The following COL17A1 variants were observed in gnomAD, a reference collection of about 807,000 sequenced individuals.
COL17A1 encodes the protein collagen type XVII alpha 1 chain.
In COL17A1, 181 loss-of-function variants were observed where a neutral mutation model predicts 218.4. That is an observed-to-expected ratio of 0.83 (90% confidence interval 0.73 to 0.94). The LOEUF (loss-of-function observed/expected upper bound fraction) is 0.94. COL17A1 is among the 40% of genes least tolerant of loss of function. COL17A1 has a pLI of 0.00. For synonymous variants in COL17A1, 721 were observed against 731.0 expected (o/e 0.99, Z 0.22); for missense variants, 1,924 against 1,945.9 (o/e 0.99, Z 0.21).
At chr10:104,036,005 TGA>T (rs1416811319) in intron 48 of COL17A1, among the ~76,000 whole-genome samples, 276 of 140,236 alleles carry the variant, frequency 2.0e-3, no homozygotes, top group African/African-American at 6.8e-3. Flanking sequence ...TATGCATATG[TGA>T]GTGTGTATGG....
intron 50 of COL17A1, 73 bp downstream of exon 50, chr10:104,035,190 G>A: frequency 7.7e-7 from 1 of 1,300,630 alleles, no homozygotes; most frequent in Non-Finnish European, 1.1e-6. Flanking sequence ...GACTGCCCTT[G>A]CTAAAGCCCA....
chr10:104,037,717 G>A lies in COL17A1; in HGVS notation c.3127C>T (p.Pro1043Ser), dbSNP rs1468374379. The change falls in exon 46 of 56, where the codon CCC (proline) becomes TCC (serine). Residue 1043 changes from proline (P) to serine (S), a missense_variant. Coordinates refer to ENST00000648076, the MANE Select transcript of COL17A1 (RefSeq NM_000494.4). ...GVQGPPGPPGPPGPVTTITGE... is the reference protein window; with the variant it reads ...GVQGPPGPPGSPGPVTTITGE... The stretch of plus-strand genomic sequence containing the variant: ...GTGATGGTGGTGACAGGTCCTGGGG[G>A]ACCAGGTGGGCCTGGGGGACCCTGA... 1.9e-6 allele frequency: 3 copies of A among 1,614,018 alleles called. No individual in the cohort carries two copies. Among genetic ancestry groups the A allele is most frequent in the African/African-American group, 1.3e-5 (1 of 74,896 alleles).
Position 104,050,141 on chromosome 10 carries a change from G to T in COL17A1, c.2129-17C>A, listed in dbSNP as rs745620757. The T allele has an allele frequency of 6.2e-7, 1 of 1,614,076 alleles. No homozygotes were observed. The highest frequency in any genetic ancestry group is 8.5e-7 in the Non-Finnish European group (1 of 1,179,986). On this transcript the variant is annotated splice_polypyrimidine_tract_variant and intron_variant, in intron 27 of 55. Coordinates refer to ENST00000648076, the MANE Select transcript of COL17A1 (RefSeq NM_000494.4). ...CCTGGTCACCTAAAGCAAACAAGGG[G>T]GAGGTGGAAAAAGCCACAGTTGTGA...
chr10:104,035,883 C>T lies in COL17A1; in HGVS notation c.3419-320G>A, dbSNP rs1247415519. ...GAGTGTATGGGAGTGTGCGTGAGTACTGGAGTGTATGGGAGCGTGTGTATG... is the reference window on the plus strand; with the variant it reads ...GAGTGTATGGGAGTGTGCGTGAGTATTGGAGTGTATGGGAGCGTGTGTATG... On this transcript the variant is annotated intron_variant, in intron 48 of 55. Coordinates refer to ENST00000648076, the MANE Select transcript of COL17A1 (RefSeq NM_000494.4). Among the ~76,000 whole-genome samples the T allele has an allele frequency of 1.7e-3, 9 of 5,416 alleles. 1 individual carries two copies. Among genetic ancestry groups the T allele is most frequent in the Non-Finnish European group, 2.6e-3 (6 of 2,304 alleles). The allele number at this position is 5,416 out of a possible 152,430, so 3.6% of individuals were successfully genotyped here.
intron 16 of COL17A1, among the ~76,000 whole-genome samples, chr10:104,057,747 C>T: frequency 6.6e-6 from 1 of 152,030 alleles, no homozygotes; most frequent in Non-Finnish European, 1.5e-5. Context: ...TAGGACTTGA[C>T]CTGCTTCTAT....
chr10:104,052,258 C>A, intron 23 of COL17A1, 41 bp from the exon 24 acceptor site: 1 of 1,612,974 alleles, frequency 6.2e-7, no homozygotes, highest in Non-Finnish European at 8.5e-7. Context: ...GGAGAGGCCC[C>A]AGTGTGGCTG....
At chr10:104,037,287 ATTTTT>A (rs34553613) in intron 46 of COL17A1, among the ~76,000 whole-genome samples, 174 bp from the exon 47 acceptor site, 2 of 147,904 alleles carry the variant, frequency 1.4e-5, no homozygotes, top group African/African-American at 2.5e-5. Context: ...TGTTGTTGGG[ATTTTT>A]TTTTTTTTTG....
intron 9 of COL17A1, among the ~76,000 whole-genome samples, chr10:104,065,569 G>A (rs1240592588): frequency 2.0e-5 from 3 of 152,166 alleles, no homozygotes; most frequent in African/African-American, 7.2e-5. Context: ...CTGGTGCTTG[G>A]CATAGAGGAG....
At chr10:104,038,678 A>G (rs2086327555) in intron 44 of COL17A1, 150 bp from the exon 45 acceptor site, 2 of 1,011,438 alleles carry the variant, frequency 2.0e-6, no homozygotes, top group African/African-American at 3.3e-5. Flanking sequence ...CGAGAAGAGA[A>G]GAAAGGACAG....
intron 16 of COL17A1, among the ~76,000 whole-genome samples, chr10:104,057,439 T>TAAAAAAAAGAA: frequency 9.7e-5 from 1 of 10,302 alleles, no homozygotes; most frequent in Non-Finnish European, 7.8e-3. Context: ...AACATGGGGT[T>TAAAAAAAAGAA]AAAAGATTGC....
intron 8 of COL17A1, among the ~76,000 whole-genome samples, 191 bp downstream of exon 8, chr10:104,071,841 C>A (rs979112567): frequency 1.3e-5 from 2 of 152,094 alleles, no homozygotes; most frequent in Non-Finnish European, 2.9e-5. Flanking sequence ...GTTTACTCAG[C>A]GGCTTAACCC....
chr10:104,066,749 C>T (rs2086629537), intron 9 of COL17A1, among the ~76,000 whole-genome samples: 3 of 152,152 alleles, frequency 2.0e-5, no homozygotes, highest in South Asian at 2.1e-4. Flanking sequence ...CCAATGCTCC[C>T]GTAAATCCTT....
At chr10:104,078,409 G>A in intron 3 of COL17A1, 133 bp downstream of exon 3, 1 of 1,141,478 alleles carries the variant, frequency 8.8e-7, no homozygotes, top group Non-Finnish European at 1.3e-6. Context: ...GAATTCTGTT[G>A]TATAGAAATT....
chr10:104,049,340 G>T (rs2086444527), intron 29 of COL17A1, 69 bp downstream of exon 29: 1 of 1,429,330 alleles, frequency 7.0e-7, no homozygotes, highest in African/African-American at 1.4e-5. Flanking sequence ...CTAGAAGACG[G>T]ATCTCTCCAG....
chr10:104,078,698 T>A, intron 2 of COL17A1, 112 bp from the exon 3 acceptor site: 1 of 1,429,824 alleles, frequency 7.0e-7, no homozygotes, highest in Non-Finnish European at 9.7e-7. Flanking sequence ...GGTTCGACAT[T>A]GATTTTTCTA....
intron 5 of COL17A1, among the ~76,000 whole-genome samples, chr10:104,074,728 T>C (rs1421300638): frequency 6.6e-6 from 1 of 152,212 alleles, no homozygotes; most frequent in East Asian, 1.9e-4. Flanking sequence ...GATTTGGGGC[T>C]TCCCAACAGC....
chr10:104,038,287 C>A, intron 45 of COL17A1, 119 bp downstream of exon 45: 2 of 1,179,304 alleles, frequency 1.7e-6, no homozygotes, highest in South Asian at 2.4e-5. Context: ...CACACTCCCA[C>A]TGCCCTACAT....
chr10:104,053,800 T>C lies in COL17A1; in HGVS notation c.1834+120A>G, dbSNP rs555194379. On this transcript the variant is annotated intron_variant, in intron 22 of 55. Transcript: ENST00000648076. ...ACAACAGCAGGGTTTCTCTGTTTGG[T>C]TCACTGGTGTCTCTCCAGAGCCTAA... The C allele has an allele frequency of 5.9e-4, 424 of 722,868 alleles. 2 individuals carry two copies. The South Asian group carries it at 6.1e-3, about 10-fold the overall frequency. 44.8% of individuals were successfully genotyped at this position (722,868 alleles called of 1,614,324 possible).
intron 11 of COL17A1, 31 bp from the exon 12 acceptor site, chr10:104,062,360 A>T: frequency 2.5e-6 from 4 of 1,614,202 alleles, no homozygotes; most frequent in Non-Finnish European, 3.4e-6. Context: ...AGGTGAGTAC[A>T]GGGAGCACGG....
Sources: gnomAD v4.1 joint callset for allele counts (sites outside exome capture counted in the v4.1 genomes callset) on GRCh38, gnomAD v4.1.1 for gene constraint, MANE v1.5 for transcripts, NCBI Gene and HGNC (gene_info 2026-07-23, HGNC 2026-07-21) for gene names.